HEG1: variants seen among roughly 807,000 people sequenced by gnomAD.
The protein encoded by HEG1 is heart development protein with EGF like domains 1.
A neutral mutation model predicts 125.6 loss-of-function variants in HEG1; 56 were observed. The observed-to-expected ratio is 0.45, with a 90% confidence interval of 0.36 to 0.56. The LOEUF is 0.56. Ranked by LOEUF, HEG1 falls within the 20% of genes least tolerant of loss-of-function variation. HEG1 has a pLI of 0.00. For synonymous variants in HEG1, 644 were observed against 668.5 expected (o/e 0.96, Z 0.57); for missense variants, 1,523 against 1,670.0 (o/e 0.91, Z 1.53).
chr3:125,040,090 A>G (rs568534514), intron 1 of HEG1, among the ~76,000 whole-genome samples: 41 of 152,342 alleles, frequency 2.7e-4, no homozygotes, highest in Non-Finnish European at 4.7e-4. Context: ...AGAGAGAAAG[A>G]GTGGAGCCAT....
At chr3:124,991,056 C>A in intron 12 of HEG1, 70 bp from the exon 13 acceptor site, 1 of 1,207,064 alleles carries the variant, frequency 8.3e-7, no homozygotes, top group Admixed American at 2.2e-5. Context: ...AATTAAACGC[C>A]AGCCACCCTA....
At chr3:124,993,572 T>C (rs1936867060) in intron 12 of HEG1, among the ~76,000 whole-genome samples, 1 of 152,200 alleles carries the variant, frequency 6.6e-6, no homozygotes. Context: ...GGATGATCCA[T>C]GGATGGCTAA....
At chr3:124,975,311 G>T (rs1936514359) in intron 15 of HEG1, among the ~76,000 whole-genome samples, 1 of 152,088 alleles carries the variant, frequency 6.6e-6, no homozygotes, top group Admixed American at 6.6e-5. Context: ...GATAATTCCT[G>T]CCATTATTAT....
Position 124,973,631 on chromosome 3 carries a change from C to A in HEG1, c.3996+100G>T. 2 of 911,454 alleles carry A rather than the reference C, an allele frequency of 2.2e-6. 1 individual carries two copies. The highest frequency in any genetic ancestry group is 3.6e-5 in the South Asian group (2 of 55,058). The allele number at this position is 911,454 out of a possible 1,614,324, so 56.5% of individuals were successfully genotyped here. On this transcript the variant is annotated intron_variant, in intron 16 of 16. Coordinates refer to ENST00000311127, the MANE Select transcript of HEG1 (RefSeq NM_020733.2). The stretch of plus-strand genomic sequence containing the variant: ...GAGGTTCATGCCACTACTCTTTAAC[C>A]CTTAACTAACTGTAATGCTTTTACT...
At chr3:125,007,198 C>CAAAAA (rs1212172102) in intron 8 of HEG1, among the ~76,000 whole-genome samples, 14 of 54,626 alleles carry the variant, frequency 2.6e-4, no homozygotes, top group South Asian at 6.9e-4. Flanking sequence ...GACTCCGTCT[C>CAAAAA]AAAAAAAAAA....
intron 5 of HEG1, chr3:125,014,747 G>A (rs1937217247): frequency 4.7e-6 from 6 of 1,285,908 alleles, no homozygotes; most frequent in Non-Finnish European, 5.1e-6. Flanking sequence ...GTGACCGTGA[G>A]ACCAGGCCCA....
chr3:125,029,586 T>C, intron 1 of HEG1, 98 bp from the exon 2 acceptor site: 4 of 1,213,024 alleles, frequency 3.3e-6, no homozygotes, highest in Non-Finnish European at 3.4e-6. Flanking sequence ...CAGTAGAGAG[T>C]GAATTCAAGT....
At position 125,010,450 on chromosome 3, in the gene HEG1, T is replaced by C; in HGVS notation, c.3062A>G (p.Asp1021Gly). 1.3e-6 allele frequency: 2 copies of C among 1,552,660 alleles called. No homozygotes were observed. Among genetic ancestry groups the C allele is most frequent in the Non-Finnish European group, 1.7e-6 (2 of 1,146,832 alleles). The change falls in exon 7 of 17, where the codon GAT (aspartate) becomes GGT (glycine). Residue 1021 changes from aspartate (D) to glycine (G), a missense_variant. Coordinates refer to ENST00000311127, the MANE Select transcript of HEG1 (RefSeq NM_020733.2). ...CRCPPSWQGD[D>G]CSVDVNECLS... ...ACTTTTTCTCTTACCCACACTGCAA[T>C]CATCCCCTTGCCAGGAAGGCGGGCA...
intron 3 of HEG1, among the ~76,000 whole-genome samples, chr3:125,024,997 A>G (rs1579426351): frequency 6.6e-6 from 1 of 152,026 alleles, no homozygotes; most frequent in South Asian, 2.1e-4. Context: ...CCAAGTGTTC[A>G]CCTCCTTTGC....
At position 125,019,468 on chromosome 3, in the gene HEG1, G is replaced by A. The variant is rs781168021; in HGVS notation, c.1382C>T (p.Thr461Ile). The change falls in exon 5 of 17, where the codon ACC (threonine) becomes ATC (isoleucine). Residue 461 changes from threonine (T) to isoleucine (I), a missense_variant. Coordinates refer to ENST00000311127, the MANE Select transcript of HEG1 (RefSeq NM_020733.2). ...GGEITAHWLL[T>I]NSTTSADVTG... ...CACATCTGCAGATGTTGTGCTGTTG[G>A]TCAAGAGCCAGTGTGCAGTGATCTC... 3.7e-6 allele frequency: 6 copies of A among 1,613,904 alleles called. No homozygotes were observed. Among genetic ancestry groups the A allele is most frequent in the Non-Finnish European group, 5.1e-6 (6 of 1,179,890 alleles).
intron 14 of HEG1, among the ~76,000 whole-genome samples, chr3:124,984,840 G>C (rs1351442113): frequency 6.6e-6 from 1 of 152,074 alleles, no homozygotes; most frequent in South Asian, 2.1e-4. Context: ...TAGATGACAG[G>C]AATATTTTAA....
In HEG1 at chr3:125,002,326, G is replaced by T. The variant is rs1234782294; in HGVS notation, c.3298-11C>A. Reference sequence around the variant, plus strand: ...AAAACACATATTTAACTGAAAGGAAGAACAAGCCTGTCGTTAACAGTGAGT... The same window carrying T: ...AAAACACATATTTAACTGAAAGGAATAACAAGCCTGTCGTTAACAGTGAGT... On this transcript the variant is annotated splice_polypyrimidine_tract_variant and intron_variant, in intron 9 of 16. Transcript: ENST00000311127. 1 of 1,612,066 alleles carries T rather than the reference G, an allele frequency of 6.2e-7. No individual in the cohort carries two copies. The highest frequency in any genetic ancestry group is 8.5e-7 in the Non-Finnish European group (1 of 1,178,648).
At chr3:125,011,742 T>C (rs553058878) in intron 6 of HEG1, among the ~76,000 whole-genome samples, 1 of 152,310 alleles carries the variant, frequency 6.6e-6, no homozygotes, top group Non-Finnish European at 1.5e-5. Flanking sequence ...CTACAAAGCA[T>C]CATCTCTTCT....
intron 1 of HEG1, among the ~76,000 whole-genome samples, chr3:125,030,900 C>A (rs191054636): frequency 3.3e-5 from 5 of 152,208 alleles, no homozygotes; most frequent in Admixed American, 6.5e-5. Flanking sequence ...AGAATGGTTT[C>A]CAGTTGGGAG....
Position 125,021,012 on chromosome 3 carries a change from T to C in HEG1, c.1032A>G (p.Arg344=), listed in dbSNP as rs772136936. ...CAGGTCCCAGACTGACCGTCAAAGA[T>C]CGCAGCGTTCTCGGGCCACCATCAG... The part of the protein sequence containing the change: ...VFTDGGPRTL[R]SLTVSLGPVS... The change falls in exon 4 of 17, where the codon CGA becomes CGG. Residue 344 remains arginine (R), a synonymous_variant. Transcript: ENST00000311127. 1.2e-6 allele frequency: 2 copies of C among 1,613,596 alleles called. No individual in the cohort carries two copies. Among genetic ancestry groups the C allele is most frequent in the Non-Finnish European group, 8.5e-7 (1 of 1,179,818 alleles).
intron 11 of HEG1, among the ~76,000 whole-genome samples, chr3:124,999,508 GA>G (rs1264467547): frequency 6.6e-6 from 1 of 152,194 alleles, no homozygotes; most frequent in Non-Finnish European, 1.5e-5. Flanking sequence ...GGCCTGATTA[GA>G]TATTTTCTGG....
At chr3:124,985,997 C>T (rs1436016033) in intron 14 of HEG1, among the ~76,000 whole-genome samples, 3 of 152,178 alleles carry the variant, frequency 2.0e-5, no homozygotes, top group Non-Finnish European at 2.9e-5. Context: ...AGTCTGGTCT[C>T]GAACTCCTGA....
At chr3:125,023,758 T>C (rs560012252) in intron 3 of HEG1, among the ~76,000 whole-genome samples, 1 of 152,310 alleles carries the variant, frequency 6.6e-6, no homozygotes, top group African/African-American at 2.4e-5. Context: ...AAAGCAGCCA[T>C]TCAACGACGG....
intron 11 of HEG1, among the ~76,000 whole-genome samples, 172 bp from the exon 12 acceptor site, chr3:124,997,995 G>A (rs1050245731): frequency 6.6e-6 from 1 of 152,182 alleles, no homozygotes; most frequent in East Asian, 1.9e-4. Flanking sequence ...GAGTCCATCT[G>A]TACTGCCTTC....
Sources: allele counts gnomAD v4.1 joint callset (sites outside exome capture counted in the v4.1 genomes callset), GRCh38; gene constraint gnomAD v4.1.1; transcripts MANE v1.5; gene names NCBI Gene and HGNC (gene_info 2026-07-23, HGNC 2026-07-21).